The following BYSL variants were observed in gnomAD, a reference collection of about 807,000 sequenced individuals.
BYSL encodes the protein bystin like.
A neutral mutation model predicts 45.4 loss-of-function variants in BYSL; 21 were observed. The observed-to-expected ratio is 0.46, with a 90% CI of 0.33 to 0.67. The LOEUF is 0.67. BYSL is among the 30% of genes least tolerant of loss of function. The pLI is 0.02. For synonymous variants in BYSL, 215 were observed against 231.3 expected (o/e 0.93, Z 0.64); for missense variants, 522 against 578.5 (o/e 0.90, Z 1.00).
At chr6:41,927,638 G>A in intron 2 of BYSL, 102 bp downstream of exon 2, 1 of 1,441,264 alleles carries the variant, frequency 6.9e-7, no homozygotes, top group Non-Finnish European at 9.4e-7. Flanking sequence ...AAAGGGCCCT[G>A]GAGTTGCTAG....
chr6:41,929,921 A>G (rs1482284981), intron 2 of BYSL, among the ~76,000 whole-genome samples: 3 of 152,232 alleles, frequency 2.0e-5, no homozygotes, highest in African/African-American at 7.2e-5. Context: ...TTTGTCCTAA[A>G]TGGAATGACT....
At chr6:41,928,524 C>G (rs1303221140) in intron 2 of BYSL, among the ~76,000 whole-genome samples, 1 of 152,194 alleles carries the variant, frequency 6.6e-6, no homozygotes, top group African/African-American at 2.4e-5. Flanking sequence ...ATAACTCCTA[C>G]TTCACTGATA....
chr6:41,927,213 A>G (rs931373534), intron 1 of BYSL, among the ~76,000 whole-genome samples, 161 bp from the exon 2 acceptor site: 1 of 152,302 alleles, frequency 6.6e-6, no homozygotes, highest in Middle Eastern at 3.4e-3. Context: ...CATGATTGCA[A>G]GCCCCTGGGG....
At chr6:41,930,430 G>A (rs1775620958) in intron 3 of BYSL, 160 bp downstream of exon 3, 2 of 1,234,630 alleles carry the variant, frequency 1.6e-6, no homozygotes, top group African/African-American at 3.1e-5. Context: ...TTCCTGCTCT[G>A]CCTGTAAATG....
rs1198832669 is a variant in BYSL at position 41,921,567 on chromosome 6, C to T, written c.5C>T (p.Pro2Leu). The change falls in exon 1 of 7, where the codon CCC becomes CTC. Residue 2 changes from proline to leucine, a missense_variant. Physicochemically the swap from Pro to Leu is moderately conservative, Grantham distance 98 (BLOSUM62 -3). Coordinates refer to ENST00000230340, the MANE Select transcript of BYSL (RefSeq NM_004053.4). ...CCGGCAACTTTTTCGAGAAAAATGC[C>T]CAAATTCAAGGCGGCCCGTGGGGTG... M[P>L]KFKAARGVGG... 3 of 1,566,134 alleles carry T rather than the reference C, an allele frequency of 1.9e-6. No individual in the cohort carries two copies. The highest frequency in any genetic ancestry group is 2.6e-6 in the Non-Finnish European group (3 of 1,154,806).
the BYSL span, chr6:41,909,080 G>T: frequency 1.4e-6 from 1 of 715,796 alleles, no homozygotes; most frequent in Non-Finnish European, 2.3e-6. Context: ...AGACTGAGGC[G>T]GAAGGATCAC....
chr6:41,920,112 C>T (rs759242923), upstream of BYSL, among the ~76,000 whole-genome samples: 9 of 152,184 alleles, frequency 5.9e-5, no homozygotes, highest in African/African-American at 9.7e-5. Flanking sequence ...TGGACCCATA[C>T]CTTTCCCTGC....
At position 41,921,527 on chromosome 6, in the gene BYSL, C is replaced by A. The variant is rs773992123; in HGVS notation, c.-36C>A. 2.6e-6 allele frequency: 4 copies of A among 1,544,894 alleles called. No individual in the cohort carries two copies. In the Admixed American group the frequency reaches 5.8e-5, roughly 22 times the overall value. On this transcript the variant is annotated 5_prime_UTR_variant, in exon 1 of 7. Transcript: ENST00000230340. ...CGCATCCTGGCCTTTCTTCAGTCCC[C>A]ACGTGCGATCCTTCCCGGCAACTTT...
chr6:41,927,321 A>T, intron 1 of BYSL, 53 bp from the exon 2 acceptor site: 5 of 1,600,118 alleles, frequency 3.1e-6, no homozygotes, highest in Non-Finnish European at 4.3e-6. Flanking sequence ...AAACTGACGA[A>T]ATCCCTCAGC....
At chr6:41,908,943 G>A in the BYSL span, 15 of 377,392 alleles carry the variant, frequency 4.0e-5, no homozygotes, top group Non-Finnish European at 6.6e-5. Context: ...AGCACTTTGG[G>A]GGGCTGAGAT....
At chr6:41,921,271 G>T, upstream of BYSL, 1 of 620,542 alleles carries the variant, frequency 1.6e-6, no homozygotes, top group Non-Finnish European at 2.8e-6. Context: ...ATTCCCGTTT[G>T]GCTGAGCACT....
intron 1 of BYSL, among the ~76,000 whole-genome samples, chr6:41,927,117 C>T (rs1775574430): frequency 6.6e-6 from 1 of 151,552 alleles, no homozygotes; most frequent in South Asian, 2.1e-4. Flanking sequence ...AAAGTTCCTT[C>T]TACATAACTG....
rs1221519637 is a variant in BYSL, at chr6:41,930,179, C to CA, written c.480dup (p.Glu161ArgfsTer3). 6.2e-7 allele frequency: 1 copy of CA among 1,614,162 alleles called. No homozygotes were observed. Among genetic ancestry groups the CA allele is most frequent in the Non-Finnish European group, 8.5e-7 (1 of 1,180,026 alleles). ...ATGGAGAAGCTGACTGAGAAGCAGA[C>CA]AGAGGTTGAGACAGTCATGTCAGAG... On this transcript the variant is annotated frameshift_variant, in exon 3 of 7. Coordinates refer to ENST00000230340, the MANE Select transcript of BYSL (RefSeq NM_004053.4). LOFTEE classifies it high-confidence loss of function.
Position 41,922,698 on chromosome 6 carries a change from ACTC to A in BYSL, c.268+871_268+873del, listed in dbSNP as rs200330022. ...GTTTAAATACCATCCTTGAGTGACTACTCCTAACTTTATAGTCTAGCCCTGATC... is the reference window on the plus strand; with the variant it reads ...GTTTAAATACCATCCTTGAGTGACTACTAACTTTATAGTCTAGCCCTGATC... On this transcript the variant is annotated intron_variant, in intron 1 of 6. Coordinates refer to ENST00000230340, the MANE Select transcript of BYSL (RefSeq NM_004053.4). Among the ~76,000 whole-genome samples the A allele has an allele frequency of 5.3e-4, 81 of 151,968 alleles. 1 individual carries two copies. The East Asian group carries it at 0.015, about 29-fold the overall frequency.
intron 1 of BYSL, among the ~76,000 whole-genome samples, chr6:41,923,248 C>G (rs1238770053): frequency 2.6e-5 from 4 of 151,898 alleles, no homozygotes; most frequent in Non-Finnish European, 5.9e-5. Context: ...CTCCAGTCGT[C>G]TTTCCACCTC....
At chr6:41,930,498 T>C in intron 3 of BYSL, 137 bp from the exon 4 acceptor site, 2 of 1,296,602 alleles carry the variant, frequency 1.5e-6, no homozygotes, top group Non-Finnish European at 2.1e-6. Flanking sequence ...AAAATGAGCA[T>C]AATAATGGCA....
rs765328351 is a variant in BYSL at position 41,927,411 on chromosome 6, C to T, written c.306C>T (p.Asp102=). ...RMPQDGSDDE[D]EEWPTLEKAA... ...CTCAGGATGGATCAGATGACGAGGA[C>T]GAGGAGTGGCCCACCCTGGAGAAGG... is the stretch of plus-strand genomic sequence containing the variant. The change falls in exon 2 of 7, where the codon GAC becomes GAT. Residue 102 remains aspartate (D), a synonymous_variant. Coordinates refer to ENST00000230340, the MANE Select transcript of BYSL (RefSeq NM_004053.4). 9.3e-6 allele frequency: 15 copies of T among 1,613,970 alleles called. No individual in the cohort carries two copies. The East Asian group carries it at 1.3e-4, about 14-fold the overall frequency.
At chr6:41,911,687 C>T in the BYSL span, among the ~76,000 whole-genome samples, 3 of 152,028 alleles carry the variant, frequency 2.0e-5, no homozygotes, top group South Asian at 6.2e-4. Context: ...GAAAAGGGTG[C>T]GAGGGCGGCG....
chr6:41,920,635 C>A (rs1262642161), upstream of BYSL, among the ~76,000 whole-genome samples: 1 of 152,006 alleles, frequency 6.6e-6, no homozygotes, highest in African/African-American at 2.4e-5. Context: ...AGTAACCGGG[C>A]GTGGTGGCGG....
Sources: gnomAD v4.1 joint callset for allele counts (sites outside exome capture counted in the v4.1 genomes callset) on GRCh38, gnomAD v4.1.1 for gene constraint, MANE v1.5 for transcripts, NCBI Gene and HGNC (gene_info 2026-07-23, HGNC 2026-07-21) for gene names.